MDN1: variants seen among roughly 807,000 people sequenced by gnomAD.
The protein encoded by MDN1 is midasin AAA ATPase 1.
MDN1 carries 266 observed loss-of-function variants against 669.2 expected under a neutral mutation model. The ratio of observed to expected loss-of-function variants is 0.40; its 90% CI spans 0.36 to 0.44. MDN1 has a LOEUF of 0.44. Ranked by LOEUF, MDN1 falls within the 20% of genes least tolerant of loss-of-function variation. The pLI, the probability that MDN1 is intolerant of heterozygous loss-of-function variation, is 1.00. For missense variants in MDN1, 5,940 were observed against 6,754.0 expected, an observed-to-expected ratio of 0.88 and a Z score of 4.22; for synonymous variants, 2,385 against 2,457.1, an observed-to-expected ratio of 0.97 and a Z score of 0.87.
chr6:89,660,634 TG>T (rs1457623479), intron 88 of MDN1, among the ~76,000 whole-genome samples: 3 of 53,032 alleles, frequency 5.7e-5, no homozygotes, highest in African/African-American at 1.8e-4. Flanking sequence ...TATGCTTTCT[TG>T]GTAATTGACT....
At chr6:89,665,351 G>A (rs1810115398) in intron 84 of MDN1, among the ~76,000 whole-genome samples, 1 of 152,014 alleles carries the variant, frequency 6.6e-6, no homozygotes, top group Non-Finnish European at 1.5e-5. Flanking sequence ...CTATATAATT[G>A]ATGTGCTATT....
At chr6:89,664,827 T>C (rs192253155) in intron 84 of MDN1, among the ~76,000 whole-genome samples, 199 bp from the exon 85 acceptor site, 10 of 152,282 alleles carry the variant, frequency 6.6e-5, no homozygotes, top group Admixed American at 4.6e-4. Context: ...GTATAGAATT[T>C]TGTTCAGGTT....
intron 2 of MDN1, among the ~76,000 whole-genome samples, chr6:89,795,876 A>G (rs1462532588): frequency 6.6e-6 from 1 of 151,646 alleles, no homozygotes; most frequent in Non-Finnish European, 1.5e-5. Context: ...AATCGCTTGA[A>G]CCCGGGAAGC....
At chr6:89,697,365 G>A (rs1166956971) in intron 59 of MDN1, among the ~76,000 whole-genome samples, 1 of 152,138 alleles carries the variant, frequency 6.6e-6, no homozygotes. Context: ...TCGAAGTGAT[G>A]GAGGAAGAAA....
chr6:89,762,284 G>A, intron 16 of MDN1, 35 bp downstream of exon 16: 1 of 1,558,368 alleles, frequency 6.4e-7, no homozygotes, highest in Non-Finnish European at 8.8e-7. Context: ...CCAGCCCCAT[G>A]CCCTCCCCCA....
Position 89,743,649 on chromosome 6 carries a change from C to A in MDN1, c.4244G>T (p.Ser1415Ile), listed in dbSNP as rs1291658172. The A allele has an allele frequency of 1.2e-6, 2 of 1,614,146 alleles. No homozygotes were observed. The highest frequency in any genetic ancestry group is 1.7e-5 in the Admixed American group (1 of 60,022). Residue 1415 changes from serine to isoleucine, a missense_variant, in exon 30 of 102, where the codon AGC (serine) becomes ATC (isoleucine). By Grantham distance (142) the Ser-to-Ile change is moderately radical. Transcript: ENST00000369393. ...ALANQKLYSV[S>I]CHLHMETSDF... is the part of the protein sequence containing the mutation. Reference sequence around the variant, plus strand: ...TGATGTCTCCATGTGTAAGTGGCAGCTGACAGAGTATAATTTCTGATTTGC... The same window carrying A: ...TGATGTCTCCATGTGTAAGTGGCAGATGACAGAGTATAATTTCTGATTTGC...
At chr6:89,672,771 G>A (rs555584843) in intron 80 of MDN1, 69 bp from the exon 81 acceptor site, 2 of 1,501,476 alleles carry the variant, frequency 1.3e-6, no homozygotes, top group East Asian at 2.3e-5. Context: ...TAGTGCCTCT[G>A]GAAATCATTA....
Position 89,714,537 on chromosome 6 carries a change from C to T in MDN1, c.7069+6G>A, listed in dbSNP as rs1814192700. ...TCTGCAAAGGCCCAAAAGTCAAGCACCTCACCTACAACAGTGCTCCGGGTC... is the reference window on the plus strand; with the variant it reads ...TCTGCAAAGGCCCAAAAGTCAAGCATCTCACCTACAACAGTGCTCCGGGTC... On this transcript the variant is annotated splice_donor_region_variant and intron_variant, in intron 46 of 101. Transcript: ENST00000369393. 2.5e-6 allele frequency: 4 copies of T among 1,583,072 alleles called. No homozygotes were observed. The highest frequency in any genetic ancestry group is 1.7e-4 in the Middle Eastern group (1 of 5,878).
intron 99 of MDN1, 72 bp from the exon 100 acceptor site, chr6:89,646,675 G>T: frequency 7.5e-7 from 1 of 1,325,552 alleles, no homozygotes; most frequent in Non-Finnish European, 1.1e-6. Flanking sequence ...GAGACTGATA[G>T]TATTTCTGAC....
chr6:89,777,231 T>G (rs1818400389), intron 11 of MDN1, among the ~76,000 whole-genome samples: 2 of 152,316 alleles, frequency 1.3e-5, no homozygotes, highest in African/African-American at 4.8e-5. Flanking sequence ...AAACTTGAAT[T>G]CATCAAGCAT....
intron 40 of MDN1, 58 bp from the exon 41 acceptor site, chr6:89,719,283 A>T: frequency 1.4e-6 from 2 of 1,399,046 alleles, no homozygotes; most frequent in South Asian, 2.4e-5. Flanking sequence ...TTCTTAGGCA[A>T]ACTTTCTAGA....
chr6:89,763,955 C>T (rs1462324300), intron 15 of MDN1, among the ~76,000 whole-genome samples: 1 of 152,180 alleles, frequency 6.6e-6, no homozygotes, highest in Non-Finnish European at 1.5e-5. Context: ...TGGCTCATGC[C>T]TGTAATCCCA....
chr6:89,745,150 A>AG, intron 29 of MDN1, 123 bp downstream of exon 29: 1 of 1,046,832 alleles, frequency 9.6e-7, no homozygotes, highest in Non-Finnish European at 1.3e-6. Context: ...AAAAAAAAAA[A>AG]AAGAAAAAAG....
At chr6:89,727,030 T>C (rs927700000) in intron 37 of MDN1, among the ~76,000 whole-genome samples, 1 of 152,184 alleles carries the variant, frequency 6.6e-6, no homozygotes, top group Non-Finnish European at 1.5e-5. Context: ...GCTTTAAAAC[T>C]AGGCTTTCTC....
chr6:89,771,513 T>A (rs778911006), intron 15 of MDN1, 48 bp downstream of exon 15: 1 of 1,487,816 alleles, frequency 6.7e-7, no homozygotes, highest in Non-Finnish European at 9.3e-7. Flanking sequence ...ATTTCTTACC[T>A]CAAGCAATAA....
intron 12 of MDN1, among the ~76,000 whole-genome samples, chr6:89,775,706 G>C (rs1266246712): frequency 6.6e-6 from 1 of 152,072 alleles, no homozygotes; most frequent in Non-Finnish European, 1.5e-5. Flanking sequence ...TTTTATCAGA[G>C]AAAGAGTCTG....
At position 89,710,733 on chromosome 6, in the gene MDN1, G is replaced by T; in HGVS notation, c.7713C>A (p.Ser2571=). 6.2e-7 allele frequency: 1 copy of T among 1,602,384 alleles called. No homozygotes were observed. The highest frequency in any genetic ancestry group is 8.5e-7 in the Non-Finnish European group (1 of 1,175,756). The change falls in exon 50 of 102, where the codon TCC becomes TCA. Residue 2571 remains serine (S), a synonymous_variant. Coordinates refer to ENST00000369393, the MANE Select transcript of MDN1 (RefSeq NM_014611.3). ...AAACATTACTGACTGCACCTGAGAG[G>T]GAATGTGAGTAAAAATTCCTGAGAG... ...AASLRNFYSH[S]LSGAVSNVFK... is the part of the protein sequence containing the mutation.
intron 56 of MDN1, 38 bp from the exon 57 acceptor site, chr6:89,700,332 G>A (rs1304007943): frequency 1.3e-6 from 2 of 1,507,674 alleles, no homozygotes; most frequent in Non-Finnish European, 1.8e-6. Context: ...GAGCACAATG[G>A]TTAAGAGTAT....
rs117029671 is a variant in MDN1 at position 89,671,231 on chromosome 6, C to T, written c.13795-151G>A. ...GTTACATGTATGTGTTTGTAACCTC[C>T]ACCCACCCCAATACACACAGCTCAC... is the stretch of plus-strand genomic sequence containing the variant. On this transcript the variant is annotated intron_variant, in intron 82 of 101. Coordinates refer to ENST00000369393, the MANE Select transcript of MDN1 (RefSeq NM_014611.3). 1.9e-5 allele frequency: 14 copies of T among 743,488 alleles called. No individual in the cohort carries two copies. The East Asian group carries it at 3.8e-4, about 20-fold the overall frequency. 46.1% of individuals were successfully genotyped at this position (743,488 alleles called of 1,614,324 possible). A position where few individuals can be genotyped will look rare whatever the true frequency, so the allele number is the denominator to read the frequency against.
Sources: gnomAD v4.1 joint callset for allele counts (sites outside exome capture counted in the v4.1 genomes callset) on GRCh38, gnomAD v4.1.1 for gene constraint, MANE v1.5 for transcripts, NCBI Gene and HGNC (gene_info 2026-07-23, HGNC 2026-07-21) for gene names.